TRIM71: variants seen among roughly 807,000 people sequenced by gnomAD.
TRIM71 encodes the protein tripartite motif containing 71.
Under a neutral mutation model 61.2 loss-of-function variants are expected in TRIM71, and 9 were observed. That is an observed-to-expected ratio of 0.15 (90% CI 0.09 to 0.26). The LOEUF is 0.26. Among genes scored for constraint, TRIM71 ranks in the 10% least tolerant of loss-of-function variants. The pLI is 1.00. For missense variants in TRIM71, 998 were observed against 1,238.7 expected (o/e 0.81, Z 2.92); for synonymous variants, 645 against 553.2 (o/e 1.17, Z -2.33).
At chr3:32,843,009 T>C (rs949749454) in intron 1 of TRIM71, among the ~76,000 whole-genome samples, 6 of 140,894 alleles carry the variant, frequency 4.3e-5, no homozygotes, top group Admixed American at 3.7e-4. Context: ...TCTTCTGTAA[T>C]TGGAGGGCGG....
chr3:32,843,045 G>T (rs184998567), intron 1 of TRIM71, among the ~76,000 whole-genome samples: 1 of 152,038 alleles, frequency 6.6e-6, no homozygotes, highest in Non-Finnish European at 1.5e-5. Context: ...TAGGATTATC[G>T]GGGTGTTGGC....
rs577821119 is a variant in TRIM71, at chr3:32,856,365, C to T, written c.853-17453C>T. ...AACTTTCACCGCTCCCCTGCCCCCC[C>T]ATCCCTACTTGCACTTTAAGACTTG... On this transcript the variant is annotated intron_variant, in intron 1 of 3. Coordinates refer to ENST00000383763, the MANE Select transcript of TRIM71 (RefSeq NM_001039111.3). Among the ~76,000 whole-genome samples the T allele has an allele frequency of 3.9e-4, 59 of 152,234 alleles. 1 individual carries two copies. The South Asian group carries it at 1.0e-2, about 26-fold the overall frequency.
At position 32,896,279 on chromosome 3, in the gene TRIM71, C is replaced by T. The variant is rs1374731146; in HGVS notation, c.*4468C>T. The T allele has an allele frequency of 1.3e-5, 2 of 152,142 alleles. No individual in the cohort carries two copies. Among genetic ancestry groups the T allele is most frequent in the African/African-American group, 4.8e-5 (2 of 41,440 alleles). 9.4% of individuals were successfully genotyped at this position (152,142 alleles called of 1,614,324 possible). A position where few individuals can be genotyped will look rare whatever the true frequency, so the allele number is the denominator to read the frequency against. On this transcript the variant is annotated 3_prime_UTR_variant, in exon 4 of 4. Coordinates refer to ENST00000383763, the MANE Select transcript of TRIM71 (RefSeq NM_001039111.3). ...CAAATATTTGAAGGGAATGAGAATC[C>T]TCTTGACTTCATGATTGTATTTGTA...
At chr3:32,875,169 A>G (rs559853809) in intron 2 of TRIM71, among the ~76,000 whole-genome samples, 1 of 152,306 alleles carries the variant, frequency 6.6e-6, no homozygotes, top group South Asian at 2.1e-4. Context: ...ACTTATTTAT[A>G]TGTGAGAAAT....
chr3:32,859,316 G>T (rs1037527729), intron 1 of TRIM71, among the ~76,000 whole-genome samples: 1 of 152,190 alleles, frequency 6.6e-6, no homozygotes. Flanking sequence ...GTGGAGTGCA[G>T]TGGCGTGATG....
rs1559552691 is a variant in TRIM71 at position 32,892,145 on chromosome 3, C to T, written c.*334C>T. The T allele has an allele frequency of 1.9e-5, 5 of 256,598 alleles. No homozygotes were observed. The highest frequency in any genetic ancestry group is 4.9e-5 in the South Asian group (1 of 20,292). The allele number at this position is 256,598 out of a possible 1,614,324, so 15.9% of individuals were successfully genotyped here. A position where few individuals can be genotyped will look rare whatever the true frequency, so the allele number is the denominator to read the frequency against. On this transcript the variant is annotated 3_prime_UTR_variant, in exon 4 of 4. Coordinates refer to ENST00000383763, the MANE Select transcript of TRIM71 (RefSeq NM_001039111.3). The stretch of plus-strand genomic sequence containing the variant: ...GAGTTTGCATTTCCCTCTTCCCCTG[C>T]GTGGGGCATGATATGCACAAGCCTG...
chr3:32,834,667 C>A (rs1696311569), intron 1 of TRIM71, among the ~76,000 whole-genome samples: 1 of 152,114 alleles, frequency 6.6e-6, no homozygotes, highest in African/African-American at 2.4e-5. Context: ...CATGGTGAAA[C>A]CCCGTCTCTA....
At chr3:32,882,875 C>G (rs2125691344) in intron 2 of TRIM71, among the ~76,000 whole-genome samples, 1 of 152,324 alleles carries the variant, frequency 6.6e-6, no homozygotes, top group East Asian at 1.9e-4. Flanking sequence ...TTCACCCTGA[C>G]AGCAGAAGTT....
chr3:32,886,220 AG>A, intron 3 of TRIM71, 152 bp downstream of exon 3: 1 of 1,109,138 alleles, frequency 9.0e-7, no homozygotes, highest in East Asian at 2.8e-5. Context: ...AGAAAGATGC[AG>A]GGGGTCCCTG....
intron 1 of TRIM71, among the ~76,000 whole-genome samples, chr3:32,854,693 G>A (rs1424958202): frequency 1.3e-5 from 2 of 152,174 alleles, no homozygotes; most frequent in African/African-American, 4.8e-5. Flanking sequence ...GATGAGAATG[G>A]TGTTTTGATT....
chr3:32,890,939 G>A lies in TRIM71; in HGVS notation c.1735G>A (p.Val579Met). The A allele has an allele frequency of 1.2e-6, 2 of 1,614,234 alleles. No homozygotes were observed. Among genetic ancestry groups the A allele is most frequent in the Non-Finnish European group, 1.7e-6 (2 of 1,180,050 alleles). The change falls in exon 4 of 4, where the codon GTG (valine) becomes ATG (methionine). Residue 579 changes from valine (V) to methionine (M), a missense_variant. Around this residue, in one of 5 missense-constraint regions of TRIM71, gnomAD observed 291 missense variants for 431.2 expected, o/e 0.67. Transcript: ENST00000383763. This position sits in a 1 kb window ranked among gnomAD's most constrained non-coding sequence, Gnocchi z 6.2. ...QHIENSPFKV[V>M]VKSGRSYVGI... The stretch of plus-strand genomic sequence containing the variant: ...CATTGAGAACAGCCCTTTCAAGGTG[G>A]TGGTCAAGTCAGGCCGCAGCTACGT...
In TRIM71 at chr3:32,890,211, C is replaced by T. The variant is rs2125693359; in HGVS notation, c.1156-149C>T. The stretch of plus-strand genomic sequence containing the variant: ...TTTTTGGTCCATTTTGATTTTGCTG[C>T]TTTTGAAGAAAGACAGATGTCTTTT... On this transcript the variant is annotated intron_variant, in intron 3 of 3. Transcript: ENST00000383763. This position sits in a 1 kb window ranked among gnomAD's most constrained non-coding sequence, Gnocchi z 6.2. The T allele has an allele frequency of 8.7e-7, 1 of 1,149,864 alleles. No individual in the cohort carries two copies. Among genetic ancestry groups the T allele is most frequent in the Admixed American group, 2.3e-5 (1 of 43,302 alleles). 71.2% of individuals were successfully genotyped at this position (1,149,864 alleles called of 1,614,324 possible). A position where few individuals can be genotyped will look rare whatever the true frequency, so the allele number is the denominator to read the frequency against.
At chr3:32,826,152 G>A (rs1696198480) in intron 1 of TRIM71, among the ~76,000 whole-genome samples, 2 of 152,262 alleles carry the variant, frequency 1.3e-5, no homozygotes, top group Non-Finnish European at 2.9e-5. Flanking sequence ...TGAAATGGGG[G>A]AAGATCCCAC....
Position 32,845,933 on chromosome 3 carries a change from C to T in TRIM71, c.852+27001C>T, listed in dbSNP as rs1453346296. On this transcript the variant is annotated intron_variant, in intron 1 of 3. Coordinates refer to ENST00000383763, the MANE Select transcript of TRIM71 (RefSeq NM_001039111.3). ...ACAGGGTTTCGCCATGTTGGCCAGG[C>T]TGGTCTCGATCTCCTGACCTTAGGT... Among the ~76,000 whole-genome samples, 4 of 151,602 alleles carry T rather than the reference C, an allele frequency of 2.6e-5. No homozygotes were observed. The South Asian group carries it at 8.3e-4, about 32-fold the overall frequency.
chr3:32,875,180 T>G (rs970088962), intron 2 of TRIM71, among the ~76,000 whole-genome samples: 4 of 152,190 alleles, frequency 2.6e-5, no homozygotes, highest in African/African-American at 9.7e-5. Flanking sequence ...TGTGAGAAAT[T>G]AGTGAGCAGA....
At chr3:32,886,985 G>C (rs541190776) in intron 3 of TRIM71, among the ~76,000 whole-genome samples, 3 of 152,322 alleles carry the variant, frequency 2.0e-5, no homozygotes, top group African/African-American at 4.8e-5. Context: ...GTTAGTCCAA[G>C]ATTTTTAATT....
At chr3:32,863,845 C>G (rs1441598535) in intron 1 of TRIM71, among the ~76,000 whole-genome samples, 12 of 152,004 alleles carry the variant, frequency 7.9e-5, no homozygotes, top group Admixed American at 7.9e-4. Flanking sequence ...CCAGGCCTGG[C>G]TAACTTTTGT....
chr3:32,890,221 A>C lies in TRIM71; in HGVS notation c.1156-139A>C, dbSNP rs965103939. The stretch of plus-strand genomic sequence containing the variant: ...ATTTTGATTTTGCTGCTTTTGAAGA[A>C]AGACAGATGTCTTTTGTAGACCATC... On this transcript the variant is annotated intron_variant, in intron 3 of 3. Transcript: ENST00000383763. The surrounding 1 kb of genome is among the most constrained non-coding windows in gnomAD (Gnocchi z 6.2). The C allele has an allele frequency of 1.1e-5, 13 of 1,220,014 alleles. No individual in the cohort carries two copies. The highest frequency in any genetic ancestry group is 2.3e-5 in the Admixed American group (1 of 43,432). 75.6% of individuals were successfully genotyped at this position (1,220,014 alleles called of 1,614,324 possible). A position where few individuals can be genotyped will look rare whatever the true frequency, so the allele number is the denominator to read the frequency against.
intron 1 of TRIM71, among the ~76,000 whole-genome samples, chr3:32,834,729 C>T (rs1250892855): frequency 1.3e-5 from 2 of 152,110 alleles, no homozygotes; most frequent in Non-Finnish European, 2.9e-5. Flanking sequence ...GTAGTCCCAG[C>T]TACCCCGGAT....
Sources: gnomAD v4.1 joint callset for allele counts (sites outside exome capture counted in the v4.1 genomes callset) on GRCh38, gnomAD v4.1.1 for gene constraint, gnomAD v4.1.1 regional missense constraint, Gnocchi (gnomAD v3.1) non-coding constraint, MANE v1.5 for transcripts, NCBI Gene and HGNC (gene_info 2026-07-23, HGNC 2026-07-21) for gene names.